Variants in GRIN2B observed in about 807,000 individuals in gnomAD.
GRIN2B encodes glutamate receptor ionotropic, NMDA 2B.
A neutral mutation model predicts 114.5 loss-of-function variants in GRIN2B; 5 were observed. That is an observed-to-expected ratio of 0.04 (90% CI 0.02 to 0.09). The LOEUF (loss-of-function observed/expected upper bound fraction) is 0.09. GRIN2B is among the 10% of genes least tolerant of loss of function. The pLI is 1.00. For missense variants in GRIN2B, 1,108 were observed against 1,943.5 expected (o/e 0.57, Z 8.08); for synonymous variants, 787 against 745.1 (o/e 1.06, Z -0.92).
chr12:13,950,816 T>C (rs766534941), intron 2 of GRIN2B, among the ~76,000 whole-genome samples: 31 of 152,300 alleles, frequency 2.0e-4, no homozygotes, highest in Non-Finnish European at 3.8e-4. Context: ...AAAATATTAC[T>C]TTGGTAAAGC....
chr12:13,600,488 T>A (rs1248290331), intron 10 of GRIN2B, among the ~76,000 whole-genome samples: 1 of 145,634 alleles, frequency 6.9e-6, no homozygotes, highest in East Asian at 2.3e-4. Flanking sequence ...AGGGTAGGGA[T>A]GTGTGTGTGC....
chr12:13,705,487 C>A (rs560687288), intron 4 of GRIN2B, among the ~76,000 whole-genome samples: 51 of 152,234 alleles, frequency 3.4e-4, no homozygotes, highest in African/African-American at 1.2e-3. Flanking sequence ...CACAAATATA[C>A]GTTCATAAGG....
chr12:13,655,282 G>C (rs1949852037), intron 5 of GRIN2B, among the ~76,000 whole-genome samples: 1 of 152,112 alleles, frequency 6.6e-6, no homozygotes, highest in African/African-American at 2.4e-5. Flanking sequence ...TTTCAAGCTT[G>C]TTCTCCTAAC....
intron 2 of GRIN2B, among the ~76,000 whole-genome samples, chr12:13,899,206 A>C (rs1866403869): frequency 6.6e-6 from 1 of 152,202 alleles, no homozygotes. Context: ...TAGGAGACTA[A>C]CTTGTGCAAA....
At chr12:13,583,733 G>C (rs2136430348) in intron 10 of GRIN2B, among the ~76,000 whole-genome samples, 1 of 152,204 alleles carries the variant, frequency 6.6e-6, no homozygotes, top group East Asian at 1.9e-4. Context: ...AGGGTGATGG[G>C]GCAAGCGAAA....
intron 3 of GRIN2B, among the ~76,000 whole-genome samples, chr12:13,836,148 C>A (rs1176338085): frequency 6.6e-6 from 1 of 152,226 alleles, no homozygotes; most frequent in Non-Finnish European, 1.5e-5. Flanking sequence ...CAAAGCCACA[C>A]AGCTGCCAGC....
chr12:13,608,165 T>C (rs1949312573), intron 10 of GRIN2B, among the ~76,000 whole-genome samples: 2 of 152,016 alleles, frequency 1.3e-5, no homozygotes, highest in South Asian at 4.2e-4. Flanking sequence ...GAAACACGAG[T>C]GTGCACCGGA....
rs952123765 is a variant in GRIN2B at position 13,665,099 on chromosome 12, G to A, written c.1125+10646C>T. Among the ~76,000 whole-genome samples the A allele has an allele frequency of 2.6e-5, 4 of 152,054 alleles. No homozygotes were observed. In the East Asian group the frequency reaches 7.7e-4, roughly 29 times the overall value. ...AACATGTTCTTTCCTCACAGTTTGA[G>A]GAGATAGGTTCTGAGTTCCTAACTG... On this transcript the variant is annotated intron_variant, in intron 5 of 13. Transcript: ENST00000609686.
chr12:13,605,664 C>T (rs1949237427), intron 10 of GRIN2B, among the ~76,000 whole-genome samples: 1 of 151,822 alleles, frequency 6.6e-6, no homozygotes, highest in Non-Finnish European at 1.5e-5. Context: ...CAGACATGTG[C>T]ATATCCTGTC....
At chr12:13,602,802 C>A (rs1350359032) in intron 10 of GRIN2B, among the ~76,000 whole-genome samples, 1 of 152,170 alleles carries the variant, frequency 6.6e-6, no homozygotes, top group African/African-American at 2.4e-5. Context: ...AAGATAGCTA[C>A]CCTCATTAAG....
At chr12:13,834,053 C>T (rs1219424380) in intron 3 of GRIN2B, among the ~76,000 whole-genome samples, 8 of 96,980 alleles carry the variant, frequency 8.2e-5, no homozygotes, top group South Asian at 3.8e-4. Context: ...TTTTTTGAGA[C>T]GGAGTCTCGC....
chr12:13,841,021 T>C (rs1865369740), intron 3 of GRIN2B, among the ~76,000 whole-genome samples: 1 of 152,188 alleles, frequency 6.6e-6, no homozygotes, highest in South Asian at 2.1e-4. Flanking sequence ...CAAATATATA[T>C]TGGAGCAGCA....
intron 4 of GRIN2B, among the ~76,000 whole-genome samples, chr12:13,692,658 T>TA (rs780392953): frequency 1.3e-5 from 2 of 151,902 alleles, no homozygotes; most frequent in Non-Finnish European, 2.9e-5. Flanking sequence ...AGGTCAGTGT[T>TA]CACCTTGACC....
intron 1 of GRIN2B, among the ~76,000 whole-genome samples, chr12:13,980,919 G>T (rs931387398): frequency 1.3e-5 from 2 of 152,084 alleles, no homozygotes; most frequent in African/African-American, 4.8e-5. Flanking sequence ...CCCCCGACGC[G>T]CACGCGCCCC....
chr12:13,658,059 G>A (rs1259890886), intron 5 of GRIN2B, among the ~76,000 whole-genome samples: 1 of 152,034 alleles, frequency 6.6e-6, no homozygotes, highest in Non-Finnish European at 1.5e-5. Flanking sequence ...TACACAATTA[G>A]CTGGGCGTGG....
intron 3 of GRIN2B, among the ~76,000 whole-genome samples, chr12:13,826,080 CT>C (rs1865030695): frequency 6.6e-6 from 1 of 151,584 alleles, no homozygotes; most frequent in Admixed American, 6.6e-5. Flanking sequence ...TTCTGTATTA[CT>C]TCCACCATTA....
intron 5 of GRIN2B, among the ~76,000 whole-genome samples, chr12:13,657,871 C>T (rs929449077): frequency 6.6e-6 from 1 of 152,136 alleles, no homozygotes; most frequent in African/African-American, 2.4e-5. Context: ...ATGTATAATA[C>T]TATCTCAATT....
chr12:13,689,582 T>G (rs890156444), intron 4 of GRIN2B, among the ~76,000 whole-genome samples: 5 of 152,204 alleles, frequency 3.3e-5, no homozygotes, highest in African/African-American at 9.6e-5. Context: ...AGCCTCCTCC[T>G]GGGCCCTTTG....
intron 12 of GRIN2B, among the ~76,000 whole-genome samples, chr12:13,567,785 T>C (rs1948660228): frequency 6.6e-6 from 1 of 152,032 alleles, no homozygotes. Context: ...AGTAAAGGCA[T>C]GCAGAACAGT....
Sources: allele counts gnomAD v4.1 joint callset (sites outside exome capture counted in the v4.1 genomes callset), GRCh38; gene constraint gnomAD v4.1.1; transcripts MANE v1.5; gene names NCBI Gene and HGNC (gene_info 2026-07-23, HGNC 2026-07-21).